Variants in ZNF804B observed in about 807,000 individuals in gnomAD.
ZNF804B encodes zinc finger protein 804B.
ZNF804B carries 80 observed loss-of-function variants against 101.4 expected under a neutral mutation model. The ratio of observed to expected loss-of-function variants is 0.79; its 90% CI spans 0.66 to 0.95. The LOEUF is 0.95. Ranked by LOEUF, ZNF804B falls within the 40% of genes least tolerant of loss-of-function variation. ZNF804B has a pLI of 0.00. For missense variants in ZNF804B, 1,673 were observed against 1,561.9 expected, an observed-to-expected ratio of 1.07 and a Z score of -1.20; for synonymous variants, 622 against 558.8, an observed-to-expected ratio of 1.11 and a Z score of -1.59.
chr7:89,210,292 C>A (rs766210700), intron 1 of ZNF804B, among the ~76,000 whole-genome samples: 3 of 152,006 alleles, frequency 2.0e-5, no homozygotes, highest in Non-Finnish European at 2.9e-5. Flanking sequence ...ATTAAAAACT[C>A]CTGAAAACCC....
intron 1 of ZNF804B, among the ~76,000 whole-genome samples, chr7:88,846,935 TACACAC>T (rs34253376): frequency 8.7e-5 from 13 of 149,560 alleles, no homozygotes; most frequent in South Asian, 4.2e-4. Context: ...TAAATGTGTA[TACACAC>T]ACACACACAC....
chr7:88,861,779 T>C (rs1791650453), intron 1 of ZNF804B, among the ~76,000 whole-genome samples: 1 of 152,228 alleles, frequency 6.6e-6, no homozygotes, highest in South Asian at 2.1e-4. Context: ...TACAGGAATC[T>C]GAGATATGTA....
chr7:88,884,202 T>C (rs1792085343), intron 1 of ZNF804B, among the ~76,000 whole-genome samples: 1 of 151,824 alleles, frequency 6.6e-6, no homozygotes, highest in Non-Finnish European at 1.5e-5. Context: ...GTAAATATAT[T>C]GATAAATGTT....
chr7:88,938,341 AG>A (rs1562837681), intron 1 of ZNF804B, among the ~76,000 whole-genome samples: 1 of 151,984 alleles, frequency 6.6e-6, no homozygotes, highest in Non-Finnish European at 1.5e-5. Context: ...TAGGATTGGG[AG>A]GGTCTGGAAG....
chr7:88,817,985 TTG>T (rs1790912493), intron 1 of ZNF804B, among the ~76,000 whole-genome samples: 1 of 152,148 alleles, frequency 6.6e-6, no homozygotes, highest in South Asian at 2.1e-4. Flanking sequence ...ACAGATAATT[TTG>T]TGAGATGAGG....
At chr7:88,849,102 C>T (rs548245849) in intron 1 of ZNF804B, among the ~76,000 whole-genome samples, 5 of 152,200 alleles carry the variant, frequency 3.3e-5, no homozygotes, top group African/African-American at 1.2e-4. Flanking sequence ...CCTTTATATA[C>T]ATGAAACGTG....
intron 2 of ZNF804B, among the ~76,000 whole-genome samples, chr7:89,224,735 TGTGTGTGTGTGTGTGTATGA>T (rs1789057203): frequency 1.0e-5 from 1 of 99,526 alleles, no homozygotes; most frequent in Non-Finnish European, 2.3e-5. Flanking sequence ...TGTGTGTGTG[TGTGTGTGTGTGTGTGTATGA>T]GTGTGTGTGT....
intron 1 of ZNF804B, among the ~76,000 whole-genome samples, chr7:89,144,695 A>G (rs577115150): frequency 6.6e-6 from 1 of 152,176 alleles, no homozygotes; most frequent in East Asian, 1.9e-4. Context: ...AATAGATTTT[A>G]AATGTTTTCA....
intron 1 of ZNF804B, among the ~76,000 whole-genome samples, chr7:89,027,915 T>G (rs925841604): frequency 6.6e-6 from 1 of 152,148 alleles, no homozygotes; most frequent in Non-Finnish European, 1.5e-5. Flanking sequence ...CAGTTGGTCA[T>G]CTCCTTGTTT....
chr7:88,797,171 G>A (rs1179375956), intron 1 of ZNF804B, among the ~76,000 whole-genome samples: 2 of 151,830 alleles, frequency 1.3e-5, no homozygotes, highest in Non-Finnish European at 2.9e-5. Context: ...GGTATTATTT[G>A]TTCATGTTTC....
At position 88,972,703 on chromosome 7, in the gene ZNF804B, T is replaced by C. The variant is rs1344100799; in HGVS notation, c.108+212619T>C. Among the ~76,000 whole-genome samples, 4 of 151,216 alleles carry C rather than the reference T, an allele frequency of 2.6e-5. No homozygotes were observed. In the East Asian group the frequency reaches 7.9e-4, roughly 30 times the overall value. On this transcript the variant is annotated intron_variant, in intron 1 of 3. Coordinates refer to ENST00000333190, the MANE Select transcript of ZNF804B (RefSeq NM_181646.5). Reference sequence around the variant, plus strand: ...AAACTGTCCTTTAAAAAAATATAGTTAGGAGTGATAATCTCTACACTATTT... The same window carrying C: ...AAACTGTCCTTTAAAAAAATATAGTCAGGAGTGATAATCTCTACACTATTT...
At chr7:89,125,632 G>T (rs77485553) in intron 1 of ZNF804B, among the ~76,000 whole-genome samples, 1 of 151,778 alleles carries the variant, frequency 6.6e-6, no homozygotes, top group African/African-American at 2.4e-5. Flanking sequence ...ATTGTTCTTC[G>T]AATGCTTAAA....
At chr7:88,881,427 A>C (rs1423673998) in intron 1 of ZNF804B, among the ~76,000 whole-genome samples, 1 of 152,148 alleles carries the variant, frequency 6.6e-6, no homozygotes, top group Non-Finnish European at 1.5e-5. Context: ...TTAGAATTTA[A>C]ATTTAGCCCA....
intron 2 of ZNF804B, among the ~76,000 whole-genome samples, chr7:89,233,514 T>C (rs574619429): frequency 4.2e-4 from 64 of 152,314 alleles, no homozygotes; most frequent in African/African-American, 1.5e-3. Flanking sequence ...TTTAAAGGTG[T>C]ACTTACATGG....
intron 1 of ZNF804B, among the ~76,000 whole-genome samples, chr7:88,940,626 G>A (rs1359733539): frequency 6.6e-6 from 1 of 151,562 alleles, no homozygotes; most frequent in Middle Eastern, 3.2e-3. Context: ...AAGATTAGCT[G>A]GGCATGGTGG....
chr7:89,201,087 G>A (rs1361862622), intron 1 of ZNF804B, among the ~76,000 whole-genome samples: 1 of 151,890 alleles, frequency 6.6e-6, no homozygotes, highest in African/African-American at 2.4e-5. Flanking sequence ...AGATATAGTT[G>A]TTTCTTATCA....
intron 1 of ZNF804B, among the ~76,000 whole-genome samples, chr7:88,979,614 T>C (rs968002693): frequency 6.6e-6 from 1 of 151,374 alleles, no homozygotes; most frequent in East Asian, 1.9e-4. Flanking sequence ...CTTTCTTTTT[T>C]TTTTTTGCTG....
chr7:88,966,850 T>C (rs112145016), intron 1 of ZNF804B, among the ~76,000 whole-genome samples: 2 of 151,532 alleles, frequency 1.3e-5, no homozygotes, highest in African/African-American at 4.8e-5. Flanking sequence ...AAGACACGTG[T>C]AATGTTGCAA....
At chr7:89,108,603 T>A (rs891149644) in intron 1 of ZNF804B, among the ~76,000 whole-genome samples, 2 of 152,140 alleles carry the variant, frequency 1.3e-5, no homozygotes, top group Admixed American at 1.3e-4. Context: ...ATGCAACACG[T>A]TTAATGGTCT....
Sources: allele counts gnomAD v4.1 joint callset (sites outside exome capture counted in the v4.1 genomes callset), GRCh38; gene constraint gnomAD v4.1.1; transcripts MANE v1.5; gene names NCBI Gene and HGNC (gene_info 2026-07-23, HGNC 2026-07-21).